Variants in ENG observed in about 807,000 individuals in gnomAD.
ENG encodes endoglin, also known as CD105 antigen.
Under a neutral mutation model 71.0 loss-of-function variants are expected in ENG, and 17 were observed. The ratio of observed to expected loss-of-function variants is 0.24; its 90% CI spans 0.16 to 0.36. The LOEUF is 0.36. Among genes scored for constraint, ENG ranks in the 10% least tolerant of loss-of-function variants. The pLI is 1.00. For missense variants in ENG, 749 were observed against 868.3 expected (o/e 0.86, Z 1.73); for synonymous variants, 360 against 366.9 (o/e 0.98, Z 0.21).
chr9:127,848,595 T>C (rs1285809020), intron 1 of ENG, among the ~76,000 whole-genome samples: 1 of 152,148 alleles, frequency 6.6e-6, no homozygotes, highest in Non-Finnish European at 1.5e-5. Flanking sequence ...CTAGCAAACT[T>C]CTATTCATCC....
chr9:127,816,133 T>C (rs900458034), intron 13 of ENG, 80 bp from the exon 14 acceptor site: 2 of 1,527,416 alleles, frequency 1.3e-6, no homozygotes, highest in Non-Finnish European at 1.8e-6. Flanking sequence ...CCATGTGGGC[T>C]TTGGTGCCAG....
At chr9:127,817,896 G>C in intron 12 of ENG, 1 of 623,092 alleles carries the variant, frequency 1.6e-6, no homozygotes, top group Non-Finnish European at 2.8e-6. Context: ...ATGGACAGTG[G>C]CAGCTGCATA....
At chr9:127,826,777 GAGAA>G (rs919291196) in intron 3 of ENG, 105 bp from the exon 4 acceptor site, 148 of 1,442,450 alleles carry the variant, frequency 1.0e-4, no homozygotes, top group Middle Eastern at 2.4e-4. Flanking sequence ...CATTGGCTGA[GAGAA>G]AGAGGCCGGA....
chr9:127,819,789 G>A, intron 9 of ENG, 111 bp downstream of exon 9: 1 of 1,606,216 alleles, frequency 6.2e-7, no homozygotes, highest in Non-Finnish European at 8.5e-7. Context: ...TGTGTTCTGA[G>A]CCCCTGCAGC....
intron 1 of ENG, among the ~76,000 whole-genome samples, chr9:127,844,121 A>ATTTAT (rs567119255): frequency 1.4e-5 from 2 of 144,504 alleles, no homozygotes; most frequent in Non-Finnish European, 3.0e-5. Context: ...ATTTTTTATT[A>ATTTAT]TTTATTTTAT....
chr9:127,817,369 G>C (rs1830350636), intron 12 of ENG, 166 bp from the exon 13 acceptor site: 1 of 729,730 alleles, frequency 1.4e-6, no homozygotes, highest in Admixed American at 2.0e-5. Context: ...TCTGTGCTGT[G>C]GGAGGGTGCC....
intron 4 of ENG, 93 bp downstream of exon 4, chr9:127,826,417 C>T: frequency 1.3e-6 from 2 of 1,548,572 alleles, no homozygotes; most frequent in Admixed American, 1.8e-5. Context: ...CCCTCCTGCA[C>T]TCTTGGTGCC....
intron 12 of ENG, chr9:127,817,852 G>A (rs1218535370): frequency 1.4e-5 from 8 of 571,760 alleles, no homozygotes; most frequent in South Asian, 2.0e-5. Context: ...ATGGATGGAC[G>A]GACGGGTAAG....
intron 2 of ENG, among the ~76,000 whole-genome samples, chr9:127,831,077 G>A (rs1588587026): frequency 1.3e-5 from 2 of 151,970 alleles, no homozygotes; most frequent in South Asian, 4.2e-4. Flanking sequence ...CGTAAATAGG[G>A]CCTATTAAAT....
chr9:127,843,354 C>A, intron 1 of ENG, 109 bp from the exon 2 acceptor site: 2 of 1,411,730 alleles, frequency 1.4e-6, no homozygotes, highest in Non-Finnish European at 9.9e-7. Context: ...GGCTTTCCTG[C>A]ATCATCACAG....
intron 3 of ENG, among the ~76,000 whole-genome samples, chr9:127,828,049 A>C (rs1588584695): frequency 1.4e-5 from 2 of 146,944 alleles, no homozygotes; most frequent in East Asian, 2.0e-4. Context: ...AAAAAAGGAG[A>C]CCCTCCTGCC....
intron 13 of ENG, chr9:127,816,873 G>A: frequency 1.8e-6 from 1 of 546,570 alleles, no homozygotes; most frequent in Non-Finnish European, 3.3e-6. Context: ...AATAACTGTG[G>A]GGATGGAGTG....
At position 127,819,634 on chromosome 9, in the gene ENG, T is replaced by C. The variant is rs762387524; in HGVS notation, c.1299A>G (p.Ser433=). The change falls in exon 10 of 15, where the codon TCA becomes TCG. Residue 433 remains serine, a synonymous_variant. Coordinates refer to ENST00000373203, the MANE Select transcript of ENG (RefSeq NM_001114753.3). ...CTGTCCATCTCACCCGCTGTGGTGA[T>C]GAGCTCGACAGGATATTGACCACCG... ...NEAVVNILSS[S]SPQRKKVHCL... 3.1e-6 allele frequency: 5 copies of C among 1,612,618 alleles called. No homozygotes were observed. The East Asian group carries it at 1.1e-4, about 36-fold the overall frequency.
intron 12 of ENG, chr9:127,817,756 C>T (rs913846985): frequency 7.3e-6 from 3 of 413,778 alleles, no homozygotes; most frequent in South Asian, 4.7e-5. Context: ...TCTCTTCCCT[C>T]AGGTCTCCTG....
rs1243079862 is a variant in ENG, at chr9:127,825,758, A to G, written c.626T>C (p.Leu209Ser). Residue 209 changes from leucine (L) to serine (S), a missense_variant, in exon 5 of 15, where the codon TTG becomes TCG. Leu to Ser is a moderately radical substitution (Grantham distance 145, BLOSUM62 -2). Coordinates refer to ENST00000373203, the MANE Select transcript of ENG (RefSeq NM_001114753.3). Reference protein sequence around the residue: ...RTPALVRGCHLEGVAGHKEAH... With the variant: ...RTPALVRGCHSEGVAGHKEAH... ...CTCCTTGTGGCCGGCCACGCCTTCC[A>G]AGTGGCAGCCCCGGACCAAGGCTGG... is the stretch of plus-strand genomic sequence containing the variant. The G allele has an allele frequency of 6.2e-7, 1 of 1,600,124 alleles. No homozygotes were observed. Among genetic ancestry groups the G allele is most frequent in the South Asian group, 1.1e-5 (1 of 89,106 alleles).
intron 2 of ENG, among the ~76,000 whole-genome samples, chr9:127,842,034 A>G (rs1831045831): frequency 1.3e-5 from 2 of 152,268 alleles, no homozygotes; most frequent in South Asian, 4.1e-4. Context: ...GCGCTTAACA[A>G]AGGTGTTGTT....
rs1830284318 is a variant in ENG at position 127,815,521 on chromosome 9, ACTGGCAG to A, written c.*154_*160del. 7.3e-7 allele frequency: 1 copy of A among 1,369,128 alleles called. No homozygotes were observed. 84.8% of individuals were successfully genotyped at this position (1,369,128 alleles called of 1,614,324 possible). On this transcript the variant is annotated 3_prime_UTR_variant, in exon 15 of 15. Transcript: ENST00000373203. The stretch of plus-strand genomic sequence containing the variant: ...CAAGGTGTTCCAAGCCAGTGGCTGC[ACTGGCAG>A]CAGGCCTCTGAGAGGGAGGCGGGAA...
chr9:127,849,226 C>T (rs574214013), intron 1 of ENG, among the ~76,000 whole-genome samples: 2 of 152,338 alleles, frequency 1.3e-5, no homozygotes, highest in Admixed American at 1.3e-4. Context: ...TAGGGGCTAC[C>T]TGCGTCAGGA....
intron 2 of ENG, among the ~76,000 whole-genome samples, chr9:127,842,219 T>C (rs1831050843): frequency 1.1e-5 from 1 of 91,654 alleles, no homozygotes; most frequent in Non-Finnish European, 2.0e-5. Flanking sequence ...CTTCTCTTTT[T>C]CTTTTCTTTT....
Sources: gnomAD v4.1 joint callset for allele counts (sites outside exome capture counted in the v4.1 genomes callset) on GRCh38, gnomAD v4.1.1 for gene constraint, MANE v1.5 for transcripts, NCBI Gene and HGNC (gene_info 2026-07-23, HGNC 2026-07-21) for gene names.